The following SCHIP1 variants were observed in gnomAD, a reference collection of about 807,000 sequenced individuals.
SCHIP1 encodes the protein schwannomin interacting protein 1, also known as schwannomin-interacting protein 1.
SCHIP1 carries 8 observed loss-of-function variants against 29.7 expected under a neutral mutation model. The ratio of observed to expected loss-of-function variants is 0.27; its 90% CI spans 0.16 to 0.49. SCHIP1 has a LOEUF of 0.49. Ranked by LOEUF, SCHIP1 falls within the 20% of genes least tolerant of loss-of-function variation. The pLI is 0.99. For missense variants in SCHIP1, 193 were observed against 294.6 expected, an observed-to-expected ratio of 0.66 and a Z score of 2.52; for synonymous variants, 76 against 94.9, an observed-to-expected ratio of 0.80 and a Z score of 1.16.
At chr3:159,364,976 G>A in the SCHIP1 span, among the ~76,000 whole-genome samples, 1 of 152,112 alleles carries the variant, frequency 6.6e-6, no homozygotes, top group African/African-American at 2.4e-5. Flanking sequence ...AATTGTTTCA[G>A]TGCAAAATGA....
the SCHIP1 span, among the ~76,000 whole-genome samples, chr3:159,374,081 C>T: frequency 6.6e-5 from 10 of 151,998 alleles, no homozygotes; most frequent in Non-Finnish European, 1.3e-4. Context: ...ATCACGGATC[C>T]ATGAATACAA....
At chr3:159,871,775 AGTAAAG>A (rs1715316027) in intron 2 of SCHIP1, among the ~76,000 whole-genome samples, 2 of 146,828 alleles carry the variant, frequency 1.4e-5, no homozygotes, top group South Asian at 4.3e-4. Context: ...CCTTGATTTC[AGTAAAG>A]CATCTCTTTG....
At chr3:159,609,147 GCAGTGGCTAAATTTTC>G in the SCHIP1 span, among the ~76,000 whole-genome samples, 1 of 152,278 alleles carries the variant, frequency 6.6e-6, no homozygotes, top group African/African-American at 2.4e-5. Context: ...GAAGACAAGT[GCAGTGGCTAAATTTTC>G]CAGTGGAGGG....
At chr3:159,894,150 T>G (rs746930239) in intron 6 of SCHIP1, 16 of 152,210 alleles carry the variant, frequency 1.1e-4, no homozygotes, top group Non-Finnish European at 5.9e-5. Context: ...ATATTCTTAT[T>G]TAATTATCCT....
At chr3:159,373,242 A>G in the SCHIP1 span, among the ~76,000 whole-genome samples, 7 of 151,540 alleles carry the variant, frequency 4.6e-5, no homozygotes, top group South Asian at 1.2e-3. Context: ...AATATATATT[A>G]CAGTTATATA....
chr3:159,887,568 C>T lies in SCHIP1; in HGVS notation c.268-140C>T. 3.5e-6 allele frequency: 3 copies of T among 862,736 alleles called. No homozygotes were observed. In the South Asian group the frequency reaches 5.1e-5, roughly 15 times the overall value. 53.4% of individuals were successfully genotyped at this position (862,736 alleles called of 1,614,324 possible). ...CCTTTTTCTGTTACTTGAGATTTATCAACTCAAGTAGCAAGTCACATTGAG... is the reference window on the plus strand; with the variant it reads ...CCTTTTTCTGTTACTTGAGATTTATTAACTCAAGTAGCAAGTCACATTGAG... On this transcript the variant is annotated intron_variant, in intron 3 of 6. Coordinates refer to ENST00000445224, the Ensembl canonical transcript of SCHIP1.
the SCHIP1 span, among the ~76,000 whole-genome samples, chr3:159,473,315 GA>G: frequency 1.3e-5 from 2 of 151,548 alleles, no homozygotes; most frequent in South Asian, 2.1e-4. Flanking sequence ...ATCACTATGG[GA>G]AAAAAAAGCA....
chr3:159,625,508 T>A, the SCHIP1 span, among the ~76,000 whole-genome samples: 1 of 152,194 alleles, frequency 6.6e-6, no homozygotes, highest in Admixed American at 6.5e-5. Context: ...AATATTAAAA[T>A]GATTAAAATA....
At chr3:159,541,612 G>C in the SCHIP1 span, among the ~76,000 whole-genome samples, 1 of 152,062 alleles carries the variant, frequency 6.6e-6, no homozygotes, top group Non-Finnish European at 1.5e-5. Flanking sequence ...TGGGGAGGAA[G>C]AGGAGGGAGA....
the SCHIP1 span, among the ~76,000 whole-genome samples, chr3:159,448,268 C>T: frequency 1.0e-3 from 152 of 152,156 alleles, 1 homozygote; most frequent in Middle Eastern, 6.8e-3. Context: ...GGTCAAAAAT[C>T]GAGACCATCC....
At chr3:159,300,304 A>AT in the SCHIP1 span, among the ~76,000 whole-genome samples, 20 of 147,822 alleles carry the variant, frequency 1.4e-4, no homozygotes, top group South Asian at 2.1e-4. Context: ...TTTTAAAAAG[A>AT]TTTTTTTTTT....
the SCHIP1 span, among the ~76,000 whole-genome samples, chr3:159,612,962 C>G: frequency 1.3e-5 from 2 of 152,078 alleles, no homozygotes; most frequent in Non-Finnish European, 2.9e-5. Flanking sequence ...GTATTAAATT[C>G]TTTAACAATT....
chr3:159,810,820 C>T, the SCHIP1 span, among the ~76,000 whole-genome samples: 1 of 152,086 alleles, frequency 6.6e-6, no homozygotes, highest in East Asian at 1.9e-4. Flanking sequence ...TGGGTAGATT[C>T]TCAGGAGAGG....
At chr3:159,843,504 A>C (rs1006788086) in intron 1 of SCHIP1, among the ~76,000 whole-genome samples, 2 of 151,958 alleles carry the variant, frequency 1.3e-5, no homozygotes, top group African/African-American at 4.8e-5. Flanking sequence ...TATGTCTACT[A>C]TTTGTAAAAT....
the SCHIP1 span, among the ~76,000 whole-genome samples, chr3:159,493,690 C>T: frequency 6.6e-6 from 1 of 151,192 alleles, no homozygotes; most frequent in East Asian, 1.9e-4. Context: ...TTAGACAGAT[C>T]AACAAGACAG....
the SCHIP1 span, among the ~76,000 whole-genome samples, chr3:159,521,026 G>C: frequency 6.6e-6 from 1 of 152,186 alleles, no homozygotes; most frequent in African/African-American, 2.4e-5. Context: ...TCAAGTCAAA[G>C]AGAGCATATT....
At chr3:159,664,578 A>C in the SCHIP1 span, among the ~76,000 whole-genome samples, 1 of 152,368 alleles carries the variant, frequency 6.6e-6, no homozygotes, top group African/African-American at 2.4e-5. Flanking sequence ...ATGTTACTGC[A>C]AGAACTCTAA....
At chr3:159,524,278 A>T in the SCHIP1 span, among the ~76,000 whole-genome samples, 3 of 152,192 alleles carry the variant, frequency 2.0e-5, no homozygotes, top group Non-Finnish European at 1.5e-5. Flanking sequence ...GTGAGTGCTT[A>T]TTTCTTCATT....
the SCHIP1 span, among the ~76,000 whole-genome samples, chr3:159,803,221 C>T: frequency 1.3e-5 from 2 of 151,796 alleles, no homozygotes; most frequent in African/African-American, 2.4e-5. Context: ...GGAGTTCTAT[C>T]AATAAGGAAA....
Sources: gnomAD v4.1 joint callset for allele counts (sites outside exome capture counted in the v4.1 genomes callset) on GRCh38, gnomAD v4.1.1 for gene constraint, MANE v1.5 for transcripts, NCBI Gene and HGNC (gene_info 2026-07-23, HGNC 2026-07-21) for gene names.